Variants in GLIS1 observed in about 807,000 individuals in gnomAD.
GLIS1 encodes GLIS family zinc finger 1.
In GLIS1, 24 loss-of-function variants were observed where a neutral mutation model predicts 63.8. That is an observed-to-expected ratio of 0.38 (90% CI 0.27 to 0.53). The LOEUF is 0.53. Ranked by LOEUF, GLIS1 falls within the 20% of genes least tolerant of loss-of-function variation. GLIS1 has a pLI of 0.85. For missense variants in GLIS1, 1,036 were observed against 1,074.1 expected, an observed-to-expected ratio of 0.96 and a Z score of 0.50; for synonymous variants, 450 against 482.5, an observed-to-expected ratio of 0.93 and a Z score of 0.88.
intron 3 of GLIS1, among the ~76,000 whole-genome samples, chr1:53,595,578 A>G (rs1645247267): frequency 6.6e-6 from 1 of 152,098 alleles, no homozygotes; most frequent in African/African-American, 2.4e-5. Context: ...ATGCCACGCC[A>G]TCCTGCTTCC....
chr1:53,524,704 G>T, intron 6 of GLIS1, 73 bp downstream of exon 6: 2 of 1,017,110 alleles, frequency 2.0e-6, no homozygotes, highest in Non-Finnish European at 1.5e-6. Context: ...ATGTGTTGAG[G>T]GTGGGCACCT....
chr1:53,507,962 G>A (rs897776546), intron 10 of GLIS1, among the ~76,000 whole-genome samples: 1 of 152,204 alleles, frequency 6.6e-6, no homozygotes, highest in African/African-American at 2.4e-5. Flanking sequence ...CCCATGTCAC[G>A]CAGGGGGCCA....
intron 4 of GLIS1, among the ~76,000 whole-genome samples, chr1:53,544,065 C>T (rs147231515): frequency 3.2e-4 from 49 of 152,264 alleles, no homozygotes; most frequent in Non-Finnish European, 4.6e-4. Context: ...AGCAGAGCTG[C>T]GCCACCCGAC....
intron 2 of GLIS1, among the ~76,000 whole-genome samples, chr1:53,675,810 T>C (rs1252875050): frequency 2.0e-5 from 3 of 152,014 alleles, no homozygotes; most frequent in African/African-American, 4.8e-5. Context: ...CTCCTTCCAA[T>C]TGGAGCGCTC....
chr1:53,514,554 C>A (rs575355459), intron 8 of GLIS1, 71 bp downstream of exon 8: 17 of 1,493,040 alleles, frequency 1.1e-5, no homozygotes, highest in Admixed American at 1.8e-5. Context: ...GTGCGGGACA[C>A]CTGCTCTCCC....
intron 4 of GLIS1, among the ~76,000 whole-genome samples, chr1:53,583,990 G>A (rs940003923): frequency 6.6e-6 from 1 of 152,196 alleles, no homozygotes; most frequent in Non-Finnish European, 1.5e-5. Context: ...GACACACTAG[G>A]CTGACCTGGC....
intron 2 of GLIS1, among the ~76,000 whole-genome samples, chr1:53,613,237 T>C (rs936663771): frequency 6.6e-6 from 1 of 152,254 alleles, no homozygotes; most frequent in Non-Finnish European, 1.5e-5. Context: ...AATGACTCTA[T>C]AGATTCCATT....
At chr1:53,576,399 T>C (rs1178824350) in intron 4 of GLIS1, among the ~76,000 whole-genome samples, 1 of 152,180 alleles carries the variant, frequency 6.6e-6, no homozygotes, top group Non-Finnish European at 1.5e-5. Context: ...AGAGAGAGAA[T>C]AATACCTATT....
intron 2 of GLIS1, among the ~76,000 whole-genome samples, chr1:53,620,573 C>T (rs946651968): frequency 6.6e-6 from 1 of 152,230 alleles, no homozygotes; most frequent in Non-Finnish European, 1.5e-5. Context: ...CTCCACGCAC[C>T]GTAAACATTC....
At chr1:53,569,559 T>C (rs1226468533) in intron 4 of GLIS1, among the ~76,000 whole-genome samples, 3 of 152,084 alleles carry the variant, frequency 2.0e-5, no homozygotes, top group Non-Finnish European at 2.9e-5. Context: ...TGGTAAAATA[T>C]TGGAAGCATT....
Position 53,574,312 on chromosome 1 carries a change from T to C in GLIS1, c.1320+19796A>G, listed in dbSNP as rs1435427068. ...CCATTCACTGCTCTGTCCCAGAATA[T>C]GCACCGCTCTGTACCCAGAACATGC... On this transcript the variant is annotated intron_variant, in intron 4 of 10. Transcript: ENST00000628545. The surrounding 1 kb of genome is among the most constrained non-coding windows in gnomAD (Gnocchi z 4.2). Among the ~76,000 whole-genome samples the C allele has an allele frequency of 6.6e-6, 1 of 152,226 alleles. No individual in the cohort carries two copies. Among genetic ancestry groups the C allele is most frequent in the East Asian group, 1.9e-4 (1 of 5,198 alleles).
chr1:53,729,447 C>CG (rs1362484235), intron 2 of GLIS1, among the ~76,000 whole-genome samples: 3 of 152,048 alleles, frequency 2.0e-5, no homozygotes, highest in Admixed American at 6.5e-5. Flanking sequence ...CTGGGGTTGA[C>CG]GGGGGGTACG....
At chr1:53,570,539 T>C (rs1448071008) in intron 4 of GLIS1, among the ~76,000 whole-genome samples, 3 of 152,182 alleles carry the variant, frequency 2.0e-5, no homozygotes, top group African/African-American at 4.8e-5. Flanking sequence ...ACTTTTCTAC[T>C]AGATACTAGC....
intron 4 of GLIS1, among the ~76,000 whole-genome samples, chr1:53,552,870 C>T (rs1644774128): frequency 6.6e-6 from 1 of 152,236 alleles, no homozygotes; most frequent in Non-Finnish European, 1.5e-5. Flanking sequence ...GAAAAGGAGA[C>T]TCCCATGAAA....
chr1:53,569,486 T>TA (rs36037749), intron 4 of GLIS1, among the ~76,000 whole-genome samples: 66,093 of 151,426 alleles, frequency 0.44, 17,021 homozygotes, highest in Admixed American at 0.6. Context: ...TTTTTTTTTT[T>TA]AAAAAAGCCT....
At chr1:53,513,966 G>A (rs1006055379) in intron 8 of GLIS1, among the ~76,000 whole-genome samples, 1 of 152,256 alleles carries the variant, frequency 6.6e-6, no homozygotes, top group African/African-American at 2.4e-5. Flanking sequence ...GGGCAGGAGT[G>A]TGGGGCTGGG....
At chr1:53,668,179 CTTG>C (rs1029459369) in intron 2 of GLIS1, among the ~76,000 whole-genome samples, 3 of 152,214 alleles carry the variant, frequency 2.0e-5, no homozygotes, top group Non-Finnish European at 2.9e-5. Context: ...TAGACACTTC[CTTG>C]TTGTGGGATT....
chr1:53,704,452 T>C (rs1172120832), intron 2 of GLIS1, among the ~76,000 whole-genome samples: 2 of 152,190 alleles, frequency 1.3e-5, no homozygotes, highest in Admixed American at 6.5e-5. Context: ...GTCCCTGACC[T>C]CAGGGGGTCT....
chr1:53,648,951 T>C (rs1363817230), intron 2 of GLIS1, among the ~76,000 whole-genome samples: 1 of 152,240 alleles, frequency 6.6e-6, no homozygotes, highest in African/African-American at 2.4e-5. Flanking sequence ...ATACTTACGA[T>C]TTGTGTACTT....
Sources: gnomAD v4.1 joint callset for allele counts (sites outside exome capture counted in the v4.1 genomes callset) on GRCh38, gnomAD v4.1.1 for gene constraint, Gnocchi (gnomAD v3.1) non-coding constraint, MANE v1.5 for transcripts, NCBI Gene and HGNC (gene_info 2026-07-23, HGNC 2026-07-21) for gene names.